ARMC8: variants seen among roughly 807,000 people sequenced by gnomAD.
ARMC8 encodes the protein armadillo repeat containing 8.
ARMC8 carries 20 observed loss-of-function variants against 99.3 expected under a neutral mutation model. The observed-to-expected ratio is 0.20, with a 90% CI of 0.14 to 0.29. The LOEUF is 0.29. Among genes scored for constraint, ARMC8 ranks in the 10% least tolerant of loss-of-function variants. ARMC8 has a pLI of 1.00. For synonymous variants in ARMC8, 263 were observed against 278.3 expected (o/e 0.95, Z 0.55); for missense variants, 569 against 809.5 (o/e 0.70, Z 3.60).
In ARMC8 at chr3:138,224,209, C is replaced by T. The variant is rs1030330613; in HGVS notation, c.435+476C>T. On this transcript the variant is annotated intron_variant, in intron 5 of 21. Coordinates refer to ENST00000469044, the MANE Select transcript of ARMC8 (RefSeq NM_001363941.2). Reference sequence around the variant, plus strand: ...TCCTGACCTTGTGATCCACCCGCCTCGGCCTCCCAAAGTGCTGGGATTACA... The same window carrying T: ...TCCTGACCTTGTGATCCACCCGCCTTGGCCTCCCAAAGTGCTGGGATTACA... Among the ~76,000 whole-genome samples the T allele has an allele frequency of 1.1e-4, 16 of 151,798 alleles. No homozygotes were observed. In the East Asian group the frequency reaches 2.0e-3, roughly 19 times the overall value.
chr3:138,253,383 C>T (rs1289316740), intron 12 of ARMC8, among the ~76,000 whole-genome samples: 2 of 152,146 alleles, frequency 1.3e-5, no homozygotes, highest in Non-Finnish European at 2.9e-5. Flanking sequence ...GCAATTTGAC[C>T]AAGGCCCCCC....
chr3:138,260,427 C>T (rs1261743187), intron 12 of ARMC8, among the ~76,000 whole-genome samples: 1 of 152,154 alleles, frequency 6.6e-6, no homozygotes, highest in Non-Finnish European at 1.5e-5. Flanking sequence ...CATAACATTC[C>T]ATTTCCCCTG....
At chr3:138,246,487 A>G in intron 12 of ARMC8, 2 of 985,484 alleles carry the variant, frequency 2.0e-6, no homozygotes, top group Non-Finnish European at 1.2e-6. Context: ...TTTTATAACA[A>G]TAGATTTGAA....
intron 5 of ARMC8, among the ~76,000 whole-genome samples, chr3:138,226,268 A>G (rs1398498353): frequency 1.3e-5 from 2 of 152,240 alleles, no homozygotes; most frequent in African/African-American, 4.8e-5. Context: ...TGTTGGGATT[A>G]CAGGCGTGAG....
At chr3:138,194,573 C>T (rs563999530) in intron 1 of ARMC8, among the ~76,000 whole-genome samples, 3 of 151,706 alleles carry the variant, frequency 2.0e-5, no homozygotes, top group African/African-American at 4.8e-5. Flanking sequence ...CTCCTGACCT[C>T]GTGATCTGCC....
At chr3:138,233,505 G>C (rs949059712) in intron 6 of ARMC8, among the ~76,000 whole-genome samples, 1 of 152,118 alleles carries the variant, frequency 6.6e-6, no homozygotes. Context: ...ATGGAGTACT[G>C]TATTGTGATT....
Position 138,235,175 on chromosome 3 carries a change from C to A in ARMC8, c.609+61C>A, listed in dbSNP as rs2046264375. 1.1e-5 allele frequency: 13 copies of A among 1,144,206 alleles called. No homozygotes were observed. The East Asian group carries it at 2.6e-4, about 23-fold the overall frequency. The allele number at this position is 1,144,206 out of a possible 1,614,324, so 70.9% of individuals were successfully genotyped here. On this transcript the variant is annotated intron_variant, in intron 7 of 21. Transcript: ENST00000469044. Reference sequence around the variant, plus strand: ...CTTGTTTGTGATTTCTAGAAACAGACCCACATATTTTTATTGTTTCTTTGA... The same window carrying A: ...CTTGTTTGTGATTTCTAGAAACAGAACCACATATTTTTATTGTTTCTTTGA...
At position 138,240,509 on chromosome 3, in the gene ARMC8, A is replaced by G. The variant is rs928659253; in HGVS notation, c.837+981A>G. Reference sequence around the variant, plus strand: ...AAAATGTTAGTAGTATATTCTTCACATAGTAGTCATGAGCATTAGATTACA... The same window carrying G: ...AAAATGTTAGTAGTATATTCTTCACGTAGTAGTCATGAGCATTAGATTACA... On this transcript the variant is annotated intron_variant, in intron 10 of 21. Coordinates refer to ENST00000469044, the MANE Select transcript of ARMC8 (RefSeq NM_001363941.2). 3.9e-5 allele frequency among the ~76,000 whole-genome samples: 6 copies of G among 152,304 alleles called. 1 individual carries two copies. Among genetic ancestry groups the G allele is most frequent in the Admixed American group, 3.9e-4 (6 of 15,292 alleles).
chr3:138,221,885 G>A (rs756638670), intron 2 of ARMC8, 41 bp from the exon 3 acceptor site: 80 of 1,456,924 alleles, frequency 5.5e-5, no homozygotes, highest in Non-Finnish European at 7.5e-5. Context: ...TTTCTTCAGT[G>A]CTGTCTCAAC....
In ARMC8 at chr3:138,228,916, A is replaced by G; in HGVS notation, c.436-2A>G. On this transcript the variant is annotated splice_acceptor_variant, in intron 5 of 21. Transcript: ENST00000469044. LOFTEE classifies it high-confidence loss of function. ...TCTTGTTGCTGTGTTCTCCTTCCCT[A>G]GGATGCCACAGTGATACCACACCTC... The G allele has an allele frequency of 6.2e-7, 1 of 1,600,946 alleles. No individual in the cohort carries two copies. The highest frequency in any genetic ancestry group is 8.5e-7 in the Non-Finnish European group (1 of 1,170,628).
At chr3:138,245,655 A>G in intron 12 of ARMC8, 1 of 993,812 alleles carries the variant, frequency 1.0e-6, no homozygotes, top group Non-Finnish European at 1.2e-6. Flanking sequence ...TGCAAGTTTA[A>G]TGTGAATAAA....
At chr3:138,211,406 A>G (rs1016107737) in intron 2 of ARMC8, among the ~76,000 whole-genome samples, 1 of 152,264 alleles carries the variant, frequency 6.6e-6, no homozygotes, top group African/African-American at 2.4e-5. Flanking sequence ...TCTATCTGAT[A>G]TGAGTAGCTG....
rs34843565 is a variant in ARMC8 at position 138,225,109 on chromosome 3, C to CTTTTT, written c.435+1391_435+1395dup. Among the ~76,000 whole-genome samples, 25 of 113,588 alleles carry CTTTTT rather than the reference C, an allele frequency of 2.2e-4. 1 individual carries two copies. The highest frequency in any genetic ancestry group is 7.2e-4 in the African/African-American group (22 of 30,400). 74.5% of individuals were successfully genotyped at this position (113,588 alleles called of 152,430 possible). A position where few individuals can be genotyped will look rare whatever the true frequency, so the allele number is the denominator to read the frequency against. On this transcript the variant is annotated intron_variant, in intron 5 of 21. Coordinates refer to ENST00000469044, the MANE Select transcript of ARMC8 (RefSeq NM_001363941.2). ...CTCAGCCCAAATTCATTTCTTCTGG[C>CTTTTT]TTTTTTTTTTTTTTTTTTTGGAGAC...
chr3:138,257,385 C>T (rs2047460776), intron 12 of ARMC8, among the ~76,000 whole-genome samples: 1 of 152,120 alleles, frequency 6.6e-6, no homozygotes, highest in Non-Finnish European at 1.5e-5. Context: ...TATATGGCAT[C>T]ATGTCTTTAA....
rs557004033 is a variant in ARMC8 at position 138,223,373 on chromosome 3, A to G, written c.195-16A>G. The G allele has an allele frequency of 6.2e-7, 1 of 1,611,838 alleles. No individual in the cohort carries two copies. The highest frequency in any genetic ancestry group is 1.1e-5 in the South Asian group (1 of 90,634). On this transcript the variant is annotated splice_polypyrimidine_tract_variant and intron_variant, in intron 3 of 21. Coordinates refer to ENST00000469044, the MANE Select transcript of ARMC8 (RefSeq NM_001363941.2). ...AATTTTTTAGTCTCTTCGTTTATTA[A>G]GTTCCTTCTTTTTAGATTGTTGTAC...
intron 14 of ARMC8, among the ~76,000 whole-genome samples, chr3:138,266,188 T>C (rs1334509306): frequency 6.6e-6 from 1 of 152,198 alleles, no homozygotes; most frequent in Non-Finnish European, 1.5e-5. Flanking sequence ...CTATTAGACA[T>C]ATGTCATCTC....
chr3:138,235,984 T>G (rs1285321585), intron 7 of ARMC8, among the ~76,000 whole-genome samples: 1 of 152,060 alleles, frequency 6.6e-6, no homozygotes, highest in Non-Finnish European at 1.5e-5. Context: ...TTTTTCTATA[T>G]TTTAGTAGAG....
intron 1 of ARMC8, among the ~76,000 whole-genome samples, chr3:138,193,772 G>T (rs2043531197): frequency 6.6e-6 from 1 of 152,280 alleles, no homozygotes; most frequent in East Asian, 1.9e-4. Flanking sequence ...GAGAAAATCT[G>T]CAGAACCTTA....
At chr3:138,193,577 A>G (rs570706566) in intron 1 of ARMC8, among the ~76,000 whole-genome samples, 7 of 152,286 alleles carry the variant, frequency 4.6e-5, no homozygotes, top group African/African-American at 1.7e-4. Context: ...AAAGCTCTTT[A>G]TATGTTTTAA....
Sources: gnomAD v4.1 joint callset for allele counts (sites outside exome capture counted in the v4.1 genomes callset) on GRCh38, gnomAD v4.1.1 for gene constraint, MANE v1.5 for transcripts, NCBI Gene and HGNC (gene_info 2026-07-23, HGNC 2026-07-21) for gene names.